Variants in TRMT9B observed in about 807,000 individuals in gnomAD.
TRMT9B encodes the protein probable tRNA methyltransferase 9B.
A neutral mutation model predicts 11.5 loss-of-function variants in TRMT9B; 16 were observed. The observed-to-expected ratio is 1.39, with a 90% CI of 0.94 to 2.11. The LOEUF (loss-of-function observed/expected upper bound fraction) is 2.11. Among genes scored for constraint, TRMT9B ranks in the 30% most tolerant of loss-of-function variants. The probability of loss-of-function intolerance (pLI) is 0.00; values close to 1 mark genes in which losing one functional copy is unlikely to be tolerated. For missense variants in TRMT9B, 941 were observed against 553.8 expected, an observed-to-expected ratio of 1.70 and a Z score of -7.02; for synonymous variants, 274 against 192.4, an observed-to-expected ratio of 1.42 and a Z score of -3.51.
chr8:13,014,934 A>G (rs919990658), intron 4 of TRMT9B, among the ~76,000 whole-genome samples: 2 of 151,974 alleles, frequency 1.3e-5, no homozygotes, highest in Non-Finnish European at 2.9e-5. Context: ...GGTGGTGAGC[A>G]CTTGTAATCC....
At chr8:12,959,607 C>T (rs28396373) in intron 1 of TRMT9B, among the ~76,000 whole-genome samples, 59,848 of 143,616 alleles carry the variant, frequency 0.42, 13,045 homozygotes, top group Middle Eastern at 0.61. Context: ...GGAACCTCAA[C>T]CTCCTGGGCT....
rs150141219 is a variant in TRMT9B, at chr8:13,003,208, G to T, written c.-1-2994G>T. 5.3e-5 allele frequency among the ~76,000 whole-genome samples: 8 copies of T among 152,290 alleles called. No homozygotes were observed. The East Asian group carries it at 1.5e-3, about 29-fold the overall frequency. On this transcript the variant is annotated intron_variant, in intron 2 of 4. Transcript: ENST00000524591. ...GTAGAGGTATGCATGGGATGCAATA[G>T]CTGATAGCCATCAGTAGGGCCAAAT...
chr8:12,971,493 T>C (rs940857637), intron 1 of TRMT9B, among the ~76,000 whole-genome samples: 1 of 152,210 alleles, frequency 6.6e-6, no homozygotes, highest in Admixed American at 6.5e-5. Flanking sequence ...GACTTCAAAT[T>C]GTGTATTAGC....
chr8:12,976,106 A>G (rs1213023345), intron 1 of TRMT9B, among the ~76,000 whole-genome samples: 1 of 152,190 alleles, frequency 6.6e-6, no homozygotes, highest in Non-Finnish European at 1.5e-5. Flanking sequence ...GGGAAGCTCC[A>G]CCATGCCAAG....
chr8:12,981,430 T>C (rs1805370212), intron 1 of TRMT9B, among the ~76,000 whole-genome samples: 1 of 152,088 alleles, frequency 6.6e-6, no homozygotes, highest in East Asian at 1.9e-4. Context: ...ACTTTCTCTT[T>C]AGAGCTGGAG....
intron 1 of TRMT9B, among the ~76,000 whole-genome samples, chr8:12,957,035 G>A (rs762808320): frequency 1.3e-5 from 2 of 152,114 alleles, no homozygotes; most frequent in African/African-American, 4.8e-5. Context: ...TCCAGGGAGT[G>A]GATAACAATA....
intron 1 of TRMT9B, among the ~76,000 whole-genome samples, chr8:12,989,596 T>C (rs965612783): frequency 1.3e-5 from 2 of 152,040 alleles, no homozygotes; most frequent in Non-Finnish European, 2.9e-5. Flanking sequence ...ATCTGAGGGG[T>C]CTAACACATT....
chr8:12,989,982 T>G (rs1328886238), intron 1 of TRMT9B, among the ~76,000 whole-genome samples: 1 of 152,156 alleles, frequency 6.6e-6, no homozygotes, highest in Non-Finnish European at 1.5e-5. Flanking sequence ...TCATTGATTC[T>G]TAAATAGGGG....
chr8:12,983,076 T>G (rs796454065), intron 1 of TRMT9B, among the ~76,000 whole-genome samples: 1 of 152,188 alleles, frequency 6.6e-6, no homozygotes, highest in East Asian at 1.9e-4. Flanking sequence ...TTTCCTGCTC[T>G]GTGGTGTAAA....
At chr8:12,961,888 C>T in intron 1 of TRMT9B, 1 of 152,186 alleles carries the variant, frequency 6.6e-6, no homozygotes, top group Non-Finnish European at 1.5e-5. Flanking sequence ...TTCACCCAGG[C>T]TTTTAGCAGG....
chr8:12,986,786 T>C (rs913051197), intron 1 of TRMT9B, among the ~76,000 whole-genome samples: 1 of 152,200 alleles, frequency 6.6e-6, no homozygotes, highest in African/African-American at 2.4e-5. Flanking sequence ...AGTCACCAGG[T>C]CCTATTAATT....
intron 3 of TRMT9B, chr8:13,010,454 A>T (rs1811384077): frequency 1.0e-6 from 1 of 985,116 alleles, no homozygotes; most frequent in Non-Finnish European, 1.2e-6. Context: ...CACTTAGCTA[A>T]AGTCATCAGC....
intron 2 of TRMT9B, 42 bp downstream of exon 2, chr8:12,991,073 G>T (rs562000483): frequency 9.5e-7 from 1 of 1,055,084 alleles, no homozygotes; most frequent in Non-Finnish European, 1.2e-6. Flanking sequence ...ATACCATGAG[G>T]TGTTTTTAGC....
intron 1 of TRMT9B, among the ~76,000 whole-genome samples, chr8:12,966,798 C>G (rs1210003): frequency 6.6e-6 from 1 of 152,140 alleles, no homozygotes; most frequent in East Asian, 1.9e-4. Flanking sequence ...AAGATGGGAC[C>G]TGAGCTTCGT....
intron 1 of TRMT9B, among the ~76,000 whole-genome samples, chr8:12,948,993 T>C (rs1301481906): frequency 6.6e-6 from 1 of 152,098 alleles, no homozygotes; most frequent in Admixed American, 6.6e-5. Flanking sequence ...GAAAAACACG[T>C]GTTCAACGTT....
rs757609977 is a variant in TRMT9B, at chr8:13,021,667, C to G, written c.988C>G (p.Leu330Val). The change falls in exon 5 of 5, where the codon CTG becomes GTG. Residue 330 changes from leucine (L) to valine (V), a missense_variant. Leu to Val is a conservative substitution (Grantham distance 32). Transcript: ENST00000524591. ...GGAGTGGCTGAGAGCACCAGGCACT[C>G]TGAAACATTTAAATGGAGACCATCA... ...HLEWLRAPGT[L>V]KHLNGDHQGE... 6.2e-7 allele frequency: 1 copy of G among 1,613,768 alleles called. No individual in the cohort carries two copies. The highest frequency in any genetic ancestry group is 8.5e-7 in the Non-Finnish European group (1 of 1,179,848).
At chr8:12,986,832 C>T (rs1217349936) in intron 1 of TRMT9B, among the ~76,000 whole-genome samples, 1 of 152,178 alleles carries the variant, frequency 6.6e-6, no homozygotes, top group Non-Finnish European at 1.5e-5. Context: ...CATTTCAATC[C>T]TTTCTAAGCA....
At chr8:12,997,262 G>A (rs979053344) in intron 2 of TRMT9B, among the ~76,000 whole-genome samples, 1 of 151,274 alleles carries the variant, frequency 6.6e-6, no homozygotes, top group South Asian at 2.1e-4. Flanking sequence ...ATGGTAATGG[G>A]TGACTTCTTG....
At chr8:13,008,890 A>G (rs912716711) in intron 3 of TRMT9B, among the ~76,000 whole-genome samples, 15 of 152,106 alleles carry the variant, frequency 9.9e-5, no homozygotes, top group South Asian at 2.1e-4. Flanking sequence ...CACCACGCCC[A>G]GCTAATTTTT....
Sources: gnomAD v4.1 joint callset for allele counts (sites outside exome capture counted in the v4.1 genomes callset) on GRCh38, gnomAD v4.1.1 for gene constraint, MANE v1.5 for transcripts, NCBI Gene and HGNC (gene_info 2026-07-23, HGNC 2026-07-21) for gene names.